Variants in SLC16A2 observed in about 807,000 individuals in gnomAD.
SLC16A2 encodes monocarboxylate transporter 8.
A neutral mutation model predicts 27.2 loss-of-function variants in SLC16A2; 3 were observed. The ratio of observed to expected loss-of-function variants is 0.11; its 90% CI spans 0.05 to 0.28. The LOEUF (loss-of-function observed/expected upper bound fraction) is 0.28. SLC16A2 is among the 10% of genes least tolerant of loss of function. The pLI is 1.00. For missense variants in SLC16A2, 295 were observed against 458.5 expected, an observed-to-expected ratio of 0.64 and a Z score of 3.26; for synonymous variants, 202 against 187.8, an observed-to-expected ratio of 1.08 and a Z score of -0.62.
At chrX:74,461,436 G>A (rs963463647) in intron 1 of SLC16A2, among the ~76,000 whole-genome samples, 2 of 110,047 alleles carry the variant, frequency 1.8e-5, no homozygotes, top group Admixed American at 9.8e-5. Flanking sequence ...GTGTGCACGC[G>A]TGCATGTGTG....
chrX:74,470,250 C>T (rs1929329400), intron 1 of SLC16A2, among the ~76,000 whole-genome samples: 1 of 112,448 alleles, frequency 8.9e-6, no homozygotes, highest in Non-Finnish European at 1.9e-5. Flanking sequence ...CAAGTTTTGG[C>T]AATTATGAAT....
intron 1 of SLC16A2, among the ~76,000 whole-genome samples, chrX:74,454,680 G>C (rs368269777): frequency 9.1e-6 from 1 of 109,605 alleles, no homozygotes; most frequent in African/African-American, 3.3e-5. Flanking sequence ...ATACATATAT[G>C]ACAAACCTGC....
At chrX:74,480,190 C>T (rs999098145) in intron 1 of SLC16A2, among the ~76,000 whole-genome samples, 5 of 112,191 alleles carry the variant, frequency 4.5e-5, no homozygotes, top group East Asian at 5.7e-4. Flanking sequence ...TGTTGGGCGT[C>T]CCTCCCACAG....
At chrX:74,473,762 T>A (rs959520450) in intron 1 of SLC16A2, 4 of 738,480 alleles carry the variant, frequency 5.4e-6, no homozygotes, top group Admixed American at 4.5e-5. Context: ...CACGGTGTCA[T>A]ATGTGACAAA....
chrX:74,456,765 T>C (rs759136095), intron 1 of SLC16A2, among the ~76,000 whole-genome samples: 1 of 111,997 alleles, frequency 8.9e-6, no homozygotes, highest in East Asian at 2.8e-4. Context: ...ACTCCCCTGC[T>C]AGCCAAGCCT....
At chrX:74,435,541 A>ATGTG (rs1555980982) in intron 1 of SLC16A2, among the ~76,000 whole-genome samples, 1 of 79,330 alleles carries the variant, frequency 1.3e-5, no homozygotes, top group African/African-American at 5.7e-5. Context: ...ATATATGTAT[A>ATGTG]TATATATATA....
rs781475580 is a variant in SLC16A2 at position 74,447,858 on chromosome X, T to C, written c.430+25791T>C. On this transcript the variant is annotated intron_variant, in intron 1 of 5. Transcript: ENST00000587091. ...AAAATTAGCCAGACATGATGGTGCA[T>C]GCCTGTAATTCCAGCTACTTAGAAG... Among the ~76,000 whole-genome samples, 239 of 109,804 alleles carry C rather than the reference T, an allele frequency of 2.2e-3. 3 individuals carry two copies. The highest frequency in any genetic ancestry group is 7.4e-3 in the African/African-American group (224 of 30,121).
At chrX:74,459,382 G>C (rs2147848439) in intron 1 of SLC16A2, among the ~76,000 whole-genome samples, 1 of 104,702 alleles carries the variant, frequency 9.6e-6, no homozygotes, top group African/African-American at 3.5e-5. Flanking sequence ...ATGTCAACTA[G>C]TGGTGGCCTC....
intron 1 of SLC16A2, among the ~76,000 whole-genome samples, chrX:74,499,025 G>A (rs1382926668): frequency 8.9e-6 from 1 of 112,179 alleles, no homozygotes; most frequent in African/African-American, 3.2e-5. Flanking sequence ...TTTGGATGAA[G>A]GAGAAGGCAC....
At chrX:74,526,767 A>G (rs771693260) in intron 4 of SLC16A2, among the ~76,000 whole-genome samples, 1 of 112,959 alleles carries the variant, frequency 8.9e-6, no homozygotes, top group Non-Finnish European at 1.9e-5. Context: ...ATGATAAGTG[A>G]CTTGACCAAG....
At chrX:74,485,828 C>T (rs1337722538) in intron 1 of SLC16A2, among the ~76,000 whole-genome samples, 1 of 111,203 alleles carries the variant, frequency 9.0e-6, no homozygotes, top group Non-Finnish European at 1.9e-5. Flanking sequence ...GGATCAGGAG[C>T]ACAGTGGACA....
chrX:74,476,586 T>C (rs775460541), intron 1 of SLC16A2, among the ~76,000 whole-genome samples: 2,891 of 111,810 alleles, frequency 0.026, 75 homozygotes, highest in African/African-American at 0.085. Flanking sequence ...CCAGTTTTTG[T>C]CCATTCAGTA....
chrX:74,448,161 A>G (rs1928871462), intron 1 of SLC16A2, among the ~76,000 whole-genome samples: 1 of 111,073 alleles, frequency 9.0e-6, no homozygotes, highest in Non-Finnish European at 1.9e-5. Flanking sequence ...TGTTGAACAT[A>G]TACCTTCCCT....
At chrX:74,501,447 G>T (rs1298448577) in intron 1 of SLC16A2, among the ~76,000 whole-genome samples, 1 of 111,612 alleles carries the variant, frequency 9.0e-6, no homozygotes, top group African/African-American at 3.3e-5. Context: ...CCTCAGGCCT[G>T]TTGATGAAAA....
intron 1 of SLC16A2, among the ~76,000 whole-genome samples, chrX:74,471,587 A>T (rs762225999): frequency 8.9e-6 from 1 of 112,044 alleles, no homozygotes; most frequent in East Asian, 2.8e-4. Flanking sequence ...TCTGTGTGTT[A>T]TCTTTTCACT....
At chrX:74,528,270 T>G (rs1347657033) in intron 4 of SLC16A2, among the ~76,000 whole-genome samples, 2 of 110,488 alleles carry the variant, frequency 1.8e-5, no homozygotes, top group Non-Finnish European at 3.8e-5. Flanking sequence ...AGCAGCGGGA[T>G]GGGGGCAGGG....
chrX:74,493,132 A>G (rs1034316618), intron 1 of SLC16A2, among the ~76,000 whole-genome samples: 1 of 111,653 alleles, frequency 9.0e-6, no homozygotes, highest in African/African-American at 3.3e-5. Flanking sequence ...CATGTTCACA[A>G]TAGTGTGGCT....
chrX:74,447,073 C>T (rs1167196432), intron 1 of SLC16A2, among the ~76,000 whole-genome samples: 1 of 112,156 alleles, frequency 8.9e-6, no homozygotes, highest in African/African-American at 3.2e-5. Context: ...GACAGAATGA[C>T]GGAGTTACTT....
rs184406974 is a variant in SLC16A2, at chrX:74,498,534, C to T, written c.431-22456C>T. ...CCAAACTATCCTTGAAAAACTCTAA[C>T]CTCTGAGCCTTTGGGGAGACTGATT... On this transcript the variant is annotated intron_variant, in intron 1 of 5. Transcript: ENST00000587091. Among the ~76,000 whole-genome samples the T allele has an allele frequency of 1.6e-3, 176 of 111,388 alleles. 3 individuals are homozygous for T. Among genetic ancestry groups the T allele is most frequent in the Non-Finnish European group, 8.3e-4 (44 of 53,169 alleles).
Sources: gnomAD v4.1 joint callset for allele counts (sites outside exome capture counted in the v4.1 genomes callset) on GRCh38, gnomAD v4.1.1 for gene constraint, MANE v1.5 for transcripts, NCBI Gene and HGNC (gene_info 2026-07-23, HGNC 2026-07-21) for gene names.